Variants in ZNF541 observed in about 807,000 individuals in gnomAD.
The protein encoded by ZNF541 is zinc finger protein 541.
In ZNF541, 23 loss-of-function variants were observed where a neutral mutation model predicts 123.5. That is an observed-to-expected ratio of 0.19 (90% CI 0.13 to 0.26). The LOEUF (loss-of-function observed/expected upper bound fraction) is 0.26, where lower values mean the gene tolerates loss of function less well. Among genes scored for constraint, ZNF541 ranks in the 10% least tolerant of loss-of-function variants. The pLI is 1.00. For missense variants in ZNF541, 1,612 were observed against 1,789.9 expected (o/e 0.90, Z 1.79); for synonymous variants, 751 against 754.5 (o/e 1.00, Z 0.08).
chr19:47,541,052 T>A, intron 5 of ZNF541, 101 bp from the exon 6 acceptor site: 2 of 1,103,324 alleles, frequency 1.8e-6, no homozygotes, highest in Non-Finnish European at 2.6e-6. Context: ...TAAATCTTCA[T>A]GACCTTGGAT....
chr19:47,535,368 A>C (rs1056495275), intron 9 of ZNF541, among the ~76,000 whole-genome samples: 1 of 152,224 alleles, frequency 6.6e-6, no homozygotes, highest in Non-Finnish European at 1.5e-5. Context: ...ATTGGGCTTC[A>C]TGAAAATTAG....
intron 2 of ZNF541, among the ~76,000 whole-genome samples, chr19:47,569,947 T>C (rs773166579): frequency 2.2e-4 from 34 of 152,050 alleles, no homozygotes; most frequent in Non-Finnish European, 4.0e-4. Context: ...CTTATAGTTA[T>C]GTAACCAATA....
intron 2 of ZNF541, among the ~76,000 whole-genome samples, chr19:47,565,251 A>G (rs1971218134): frequency 6.6e-6 from 1 of 152,174 alleles, no homozygotes; most frequent in South Asian, 2.1e-4. Context: ...ACAAATCACC[A>G]CTAAAGAACT....
At chr19:47,547,856 C>T (rs1446535842) in intron 4 of ZNF541, among the ~76,000 whole-genome samples, 3 of 151,538 alleles carry the variant, frequency 2.0e-5, no homozygotes, top group Non-Finnish European at 4.4e-5. Context: ...ACGCAGATCA[C>T]TTGAGAAATC....
intron 12 of ZNF541, among the ~76,000 whole-genome samples, chr19:47,531,337 T>C (rs944540662): frequency 6.6e-6 from 1 of 150,414 alleles, no homozygotes; most frequent in African/African-American, 2.4e-5. Context: ...AGGAATTAAG[T>C]AGATGAATGC....
In ZNF541 at chr19:47,545,233, A is replaced by C. The variant is rs777886818; in HGVS notation, c.1296T>G (p.Val432=). 1.7e-5 allele frequency: 26 copies of C among 1,546,692 alleles called. No homozygotes were observed. Among genetic ancestry groups the C allele is most frequent in the African/African-American group, 1.2e-4 (9 of 72,950 alleles). Residue 432 remains valine (V), a synonymous_variant, in exon 5 of 17, where the codon GTT becomes GTG. Transcript: ENST00000391901. This position sits in a 1 kb window ranked among gnomAD's most constrained non-coding sequence, Gnocchi z 7.5. ...CPKSKGNNVF[V]VHKPSAVPSR... ...AGGGCACGGCCGAGGGCTTGTGGACAACAAACACGTTGTTGCCTTTGCTTT... is the reference window on the plus strand; with the variant it reads ...AGGGCACGGCCGAGGGCTTGTGGACCACAAACACGTTGTTGCCTTTGCTTT...
In ZNF541 at chr19:47,544,430, T is replaced by C. The variant is rs1481193568; in HGVS notation, c.2099A>G (p.Gln700Arg). 2 of 1,551,546 alleles carry C rather than the reference T, an allele frequency of 1.3e-6. No homozygotes were observed. Among genetic ancestry groups the C allele is most frequent in the African/African-American group, 2.7e-5 (2 of 73,058 alleles). ...TGGCTCCTCCCCACCTAACTGGGTC[T>C]GCCGTTGGCCTGTGGAGGGGAAGAT... ...EDIFPSTGQR[Q>R]TQLGGEEPPG... The change falls in exon 5 of 17, where the codon CAG becomes CGG. Residue 700 changes from glutamine to arginine, a missense_variant. By Grantham distance (43) the Gln-to-Arg change is conservative. Transcript: ENST00000391901.
At chr19:47,548,442 CAA>C (rs574466068) in intron 4 of ZNF541, among the ~76,000 whole-genome samples, 2 of 60,350 alleles carry the variant, frequency 3.3e-5, no homozygotes, top group Admixed American at 2.3e-4. Context: ...GACTCCATCT[CAA>C]AAAAAAAAAA....
At position 47,550,311 on chromosome 19, in the gene ZNF541, AAGAGAGAGAGAAAG is replaced by A. The variant is rs539536711; in HGVS notation, c.308-840_308-827del. Among the ~76,000 whole-genome samples, 411 of 150,274 alleles carry A rather than the reference AAGAGAGAGAGAAAG, an allele frequency of 2.7e-3. 1 individual carries two copies. Among genetic ancestry groups the A allele is most frequent in the African/African-American group, 8.5e-3 (347 of 41,050 alleles). On this transcript the variant is annotated intron_variant, in intron 3 of 16. Coordinates refer to ENST00000391901, the MANE Select transcript of ZNF541 (RefSeq NM_001277075.3). ...GAAGGAAGGAGGAAGGAAGGAAGGA[AAGAGAGAGAGAAAG>A]AGAGAGAGAGAAAGAGAAAGAAAGG...
In ZNF541 at chr19:47,528,993, G is replaced by A. The variant is rs1406906508; in HGVS notation, c.3527C>T (p.Ala1176Val). 1.9e-6 allele frequency: 3 copies of A among 1,551,414 alleles called. No homozygotes were observed. The highest frequency in any genetic ancestry group is 1.4e-5 in the African/African-American group (1 of 73,026). ...GAAGTCCTTCTTGTGGGCATAGAAC[G>A]CCTTCTTAAAAAGCCTCTTCTCTAT... ...TPIEKRLFKK[A>V]FYAHKKDFYL... Residue 1176 changes from alanine to valine, a missense_variant, in exon 14 of 17, where the codon GCG (alanine) becomes GTG (valine). Physicochemically the swap from Ala to Val is moderately conservative, Grantham distance 64 (BLOSUM62 0). This residue lies in a region of ZNF541 where 285 missense variants were observed against 407.3 expected (regional missense o/e 0.70). Coordinates refer to ENST00000391901, the MANE Select transcript of ZNF541 (RefSeq NM_001277075.3).
intron 14 of ZNF541, among the ~76,000 whole-genome samples, chr19:47,525,872 C>A (rs1299313421): frequency 6.8e-6 from 1 of 147,478 alleles, no homozygotes; most frequent in Non-Finnish European, 1.5e-5. Flanking sequence ...GCCAAGATCT[C>A]GCCACTGCAC....
rs367957823 is a variant in ZNF541 at position 47,521,660 on chromosome 19, G to C, written c.3712-6C>G. The C allele has an allele frequency of 1.2e-4, 186 of 1,551,530 alleles. No individual in the cohort carries two copies. In the Admixed American group the frequency reaches 1.3e-3, roughly 11 times the overall value. ...TCCCGAGGGCTGCATGGGACCTGCA[G>C]AGGGAGCAAAAGTGACATAAGGGTG... On this transcript the variant is annotated splice_polypyrimidine_tract_variant and splice_region_variant and intron_variant, in intron 15 of 16. Transcript: ENST00000391901. This position sits in a 1 kb window ranked among gnomAD's most constrained non-coding sequence, Gnocchi z 4.2.
At chr19:47,532,424 G>T (rs980129145) in intron 10 of ZNF541, among the ~76,000 whole-genome samples, 154 bp from the exon 11 acceptor site, 1 of 152,084 alleles carries the variant, frequency 6.6e-6, no homozygotes, top group Non-Finnish European at 1.5e-5. Flanking sequence ...TGCTGTTCCC[G>T]ACAGATGCAC....
rs1306556613 is a variant in ZNF541, at chr19:47,545,343, GAGGC to G, written c.1182_1185del (p.Pro395SerfsTer155). The G allele has an allele frequency of 6.5e-7, 1 of 1,546,292 alleles. No homozygotes were observed. The highest frequency in any genetic ancestry group is 8.7e-7 in the Non-Finnish European group (1 of 1,145,028). ...GCAGGGACCGTCTGGCCTCGGAAGA[GAGGC>G]AGGCAGGCAGGCACGGAGCCGCCTT... On this transcript the variant is annotated frameshift_variant, in exon 5 of 17. Coordinates refer to ENST00000391901, the MANE Select transcript of ZNF541 (RefSeq NM_001277075.3). LOFTEE classifies it high-confidence loss of function. The surrounding 1 kb of genome is among the most constrained non-coding windows in gnomAD (Gnocchi z 7.5).
At chr19:47,531,568 G>A (rs1969573834) in intron 12 of ZNF541, 74 bp downstream of exon 12, 4 of 1,206,568 alleles carry the variant, frequency 3.3e-6, no homozygotes. Flanking sequence ...GAACCCCCAA[G>A]CAGACAGCAC....
chr19:47,540,946 T>G lies in ZNF541; in HGVS notation c.2409A>C (p.Gly803=). The G allele has an allele frequency of 6.4e-7, 1 of 1,550,646 alleles. No individual in the cohort carries two copies. ...CCGGATGGGGGAGCCTGTAGATGTT[T>G]CCACCCTGAAGATGAAAATGCATCT... ...KLTIFSRIQG[G]NIYRLPHPVK... is the part of the protein sequence containing the mutation. The change falls in exon 6 of 17, where the codon GGA becomes GGC. Residue 803 remains glycine (G), a synonymous_variant. Transcript: ENST00000391901.
intron 2 of ZNF541, among the ~76,000 whole-genome samples, chr19:47,562,338 G>A (rs1028705400): frequency 6.6e-6 from 1 of 152,118 alleles, no homozygotes; most frequent in African/African-American, 2.4e-5. Context: ...GAGGTCAGGA[G>A]TTCAAGACCA....
At chr19:47,527,754 C>A (rs1969364069) in intron 14 of ZNF541, among the ~76,000 whole-genome samples, 1 of 151,738 alleles carries the variant, frequency 6.6e-6, no homozygotes, top group Non-Finnish European at 1.5e-5. Flanking sequence ...GGCTGGAGTG[C>A]AGTGGCGAGA....
At chr19:47,536,805 A>T (rs1194706513) in intron 9 of ZNF541, among the ~76,000 whole-genome samples, 1 of 152,168 alleles carries the variant, frequency 6.6e-6, no homozygotes, top group African/African-American at 2.4e-5. Flanking sequence ...TGGCAGCATT[A>T]TTCATAATAG....
Sources: gnomAD v4.1 joint callset for allele counts (sites outside exome capture counted in the v4.1 genomes callset) on GRCh38, gnomAD v4.1.1 for gene constraint, gnomAD v4.1.1 regional missense constraint, Gnocchi (gnomAD v3.1) non-coding constraint, MANE v1.5 for transcripts, NCBI Gene and HGNC (gene_info 2026-07-23, HGNC 2026-07-21) for gene names.